The following CFAP58 variants were observed in gnomAD, a reference collection of about 807,000 sequenced individuals.
CFAP58 encodes cilia and flagella associated protein 58, also known as cilia- and flagella-associated protein 58.
A neutral mutation model predicts 119.5 loss-of-function variants in CFAP58; 88 were observed. The observed-to-expected ratio is 0.74, with a 90% CI of 0.62 to 0.88. The LOEUF is 0.88. Among genes scored for constraint, CFAP58 ranks in the 40% least tolerant of loss-of-function variants. The pLI, the probability that CFAP58 is intolerant of heterozygous loss-of-function variation, is 0.00. For synonymous variants in CFAP58, 365 were observed against 366.3 expected (o/e 1.00, Z 0.04); for missense variants, 990 against 1,021.2 (o/e 0.97, Z 0.42).
At chr10:104,432,449 C>G (rs1179198918) in intron 15 of CFAP58, among the ~76,000 whole-genome samples, 1 of 150,426 alleles carries the variant, frequency 6.6e-6, no homozygotes, top group Non-Finnish European at 1.5e-5. Context: ...CCTATCAGAC[C>G]AGCAAAGACA....
intron 9 of CFAP58, among the ~76,000 whole-genome samples, chr10:104,389,266 T>C (rs766539843): frequency 6.6e-6 from 1 of 152,226 alleles, no homozygotes; most frequent in Non-Finnish European, 1.5e-5. Context: ...CTTCTTGGTG[T>C]CCTGACGGGT....
rs757282114 is a variant in CFAP58, at chr10:104,450,135, A to G, written c.2441A>G (p.Lys814Arg). The G allele has an allele frequency of 6.2e-7, 1 of 1,613,196 alleles. No homozygotes were observed. Among genetic ancestry groups the G allele is most frequent in the South Asian group, 1.1e-5 (1 of 90,932 alleles). Residue 814 changes from lysine (K) to arginine (R), a missense_variant, in exon 17 of 18, where the codon AAA (lysine) becomes AGA (arginine). By Grantham distance (26) the Lys-to-Arg change is conservative. Coordinates refer to ENST00000369704, the MANE Select transcript of CFAP58 (RefSeq NM_001008723.2). Reference protein sequence around the residue: ...QSKEYKYEVEKLTNELQNLKK... With the variant: ...QSKEYKYEVERLTNELQNLKK... ...AAAGAATATAAATATGAGGTAGAGA[A>G]ACTTACCAATGAGCTCCAGAATTTA...
chr10:104,429,936 C>T (rs192566663), intron 15 of CFAP58, among the ~76,000 whole-genome samples: 123 of 152,080 alleles, frequency 8.1e-4, no homozygotes, highest in Admixed American at 7.8e-3. Context: ...CTCTCACTGA[C>T]AGCCCCTCCT....
chr10:104,345,301 C>G, the CFAP58 span, among the ~76,000 whole-genome samples: 1 of 151,866 alleles, frequency 6.6e-6, no homozygotes, highest in African/African-American at 2.4e-5. Flanking sequence ...AGACATAGTT[C>G]TTTGGTATTT....
intron 15 of CFAP58, among the ~76,000 whole-genome samples, chr10:104,418,631 A>G (rs1198275595): frequency 6.6e-6 from 1 of 152,212 alleles, no homozygotes. Flanking sequence ...GTGCCTCCCA[A>G]TAGAGCCACT....
chr10:104,368,578 T>A lies in CFAP58; in HGVS notation c.930+18T>A, dbSNP rs539036455. ...AGCTCAAAGTAAACACCAAGTTACA[T>A]GTCTGTTCCCTAGCTCTTTCTTCCT... On this transcript the variant is annotated intron_variant, in intron 6 of 17. Transcript: ENST00000369704. The A allele has an allele frequency of 6.2e-7, 1 of 1,613,260 alleles. No individual in the cohort carries two copies. The highest frequency in any genetic ancestry group is 2.2e-5 in the East Asian group (1 of 44,858).
chr10:104,382,344 T>C (rs2011828650), intron 9 of CFAP58: 3 of 571,058 alleles, frequency 5.3e-6, no homozygotes, highest in Non-Finnish European at 9.7e-6. Flanking sequence ...GCAAATATAT[T>C]TGAACATAAA....
intron 1 of CFAP58, among the ~76,000 whole-genome samples, chr10:104,356,964 T>G (rs1050664088): frequency 6.6e-6 from 1 of 152,230 alleles, no homozygotes; most frequent in Non-Finnish European, 1.5e-5. Flanking sequence ...TTCATTATTA[T>G]GTTGTAGCTA....
intron 17 of CFAP58, among the ~76,000 whole-genome samples, chr10:104,450,701 A>T: frequency 7.0e-6 from 1 of 143,626 alleles, no homozygotes; most frequent in Admixed American, 6.8e-5. Flanking sequence ...TTATTTATTT[A>T]TTTATTTATT....
chr10:104,395,084 G>A (rs1002649678), intron 11 of CFAP58, among the ~76,000 whole-genome samples: 1 of 152,192 alleles, frequency 6.6e-6, no homozygotes, highest in Non-Finnish European at 1.5e-5. Flanking sequence ...TGGGGTCCAA[G>A]TTGGAACTAA....
At chr10:104,442,127 G>T (rs559332684) in intron 15 of CFAP58, among the ~76,000 whole-genome samples, 3 of 152,230 alleles carry the variant, frequency 2.0e-5, no homozygotes, top group South Asian at 2.1e-4. Flanking sequence ...AAGAATTATG[G>T]ATGGTAGTGG....
upstream of CFAP58, chr10:104,353,791 C>A (rs1419789645): frequency 1.5e-6 from 2 of 1,375,168 alleles, no homozygotes; most frequent in African/African-American, 2.9e-5. Flanking sequence ...CCGCTCGGGG[C>A]GGGCGATAGA....
intron 11 of CFAP58, among the ~76,000 whole-genome samples, chr10:104,394,964 A>G (rs78070014): frequency 3.9e-5 from 6 of 152,210 alleles, no homozygotes; most frequent in African/African-American, 9.6e-5. Flanking sequence ...GCAAGGCTCA[A>G]TGTAATCCAT....
At chr10:104,434,410 A>G (rs918343756) in intron 15 of CFAP58, among the ~76,000 whole-genome samples, 4 of 152,220 alleles carry the variant, frequency 2.6e-5, no homozygotes, top group South Asian at 2.1e-4. Context: ...CCAGGCTTCA[A>G]TGAGCATAGT....
rs1286016023 is a variant in CFAP58, at chr10:104,452,355, A to G, written c.2511-2067A>G. ...CTACCCACAATGGATCATCTCATTC[A>G]TTTTTTAAAGTTCGTACACTCCATT... On this transcript the variant is annotated intron_variant, in intron 17 of 17. Transcript: ENST00000369704. Among the ~76,000 whole-genome samples, 12 of 152,222 alleles carry G rather than the reference A, an allele frequency of 7.9e-5. No individual in the cohort carries two copies. In the East Asian group the frequency reaches 2.3e-3, roughly 29 times the overall value.
At chr10:104,431,096 G>T (rs1178994591) in intron 15 of CFAP58, among the ~76,000 whole-genome samples, 1 of 152,178 alleles carries the variant, frequency 6.6e-6, no homozygotes, top group African/African-American at 2.4e-5. Context: ...GAGTGTATTT[G>T]ATGTAATCTG....
intron 1 of CFAP58, among the ~76,000 whole-genome samples, chr10:104,356,098 C>T (rs992790886): frequency 6.6e-6 from 1 of 152,242 alleles, no homozygotes; most frequent in African/African-American, 2.4e-5. Context: ...TGTGGAATTA[C>T]TACATTGTGG....
intron 15 of CFAP58, among the ~76,000 whole-genome samples, chr10:104,424,389 A>G (rs184250328): frequency 8.5e-5 from 13 of 152,270 alleles, no homozygotes; most frequent in Non-Finnish European, 1.8e-4. Flanking sequence ...ATGATAATAG[A>G]TCATTTCCTC....
rs757445453 is a variant in CFAP58 at position 104,406,648 on chromosome 10, C to T, written c.2152-41C>T. On this transcript the variant is annotated intron_variant, in intron 14 of 17. Transcript: ENST00000369704. ...ACATAGAGGCCTCAGTGCTTTGAAGCTGATGATATCTCAGCTGCTATTGTT... is the reference window on the plus strand; with the variant it reads ...ACATAGAGGCCTCAGTGCTTTGAAGTTGATGATATCTCAGCTGCTATTGTT... 1.0e-5 allele frequency: 16 copies of T among 1,527,980 alleles called. No homozygotes were observed. In the African/African-American group the frequency reaches 2.2e-4, roughly 21 times the overall value. 94.7% of individuals were successfully genotyped at this position (1,527,980 alleles called of 1,614,324 possible).
Sources: allele counts gnomAD v4.1 joint callset (sites outside exome capture counted in the v4.1 genomes callset), GRCh38; gene constraint gnomAD v4.1.1; transcripts MANE v1.5; gene names NCBI Gene and HGNC (gene_info 2026-07-23, HGNC 2026-07-21).